PTPRD: variants seen among roughly 807,000 people sequenced by gnomAD.
The protein encoded by PTPRD is receptor-type tyrosine-protein phosphatase delta.
PTPRD carries 34 observed loss-of-function variants against 214.5 expected under a neutral mutation model. The observed-to-expected ratio is 0.16, with a 90% confidence interval of 0.12 to 0.21. The LOEUF is 0.21. PTPRD is among the 10% of genes least tolerant of loss of function. The pLI, the probability that PTPRD is intolerant of heterozygous loss-of-function variation, is 1.00. For synonymous variants in PTPRD, 1,128 were observed against 845.7 expected (o/e 1.33, Z -5.79); for missense variants, 2,545 against 2,398.7 (o/e 1.06, Z -1.27).
At chr9:9,320,544 G>C (rs529085627) in intron 9 of PTPRD, among the ~76,000 whole-genome samples, 10 of 152,100 alleles carry the variant, frequency 6.6e-5, no homozygotes, top group Non-Finnish European at 1.3e-4. Context: ...TACATCTGTA[G>C]TACACACCAG....
intron 3 of PTPRD, among the ~76,000 whole-genome samples, chr9:10,281,788 T>C (rs2095126965): frequency 6.6e-6 from 1 of 152,144 alleles, no homozygotes; most frequent in Admixed American, 6.5e-5. Context: ...GTACTGAAGG[T>C]CAGGACTACA....
chr9:9,171,431 T>C (rs1369966083), intron 10 of PTPRD, among the ~76,000 whole-genome samples: 3 of 151,270 alleles, frequency 2.0e-5, no homozygotes, highest in Admixed American at 6.6e-5. Flanking sequence ...CACAGGGAAA[T>C]AGGAAAAGGA....
chr9:8,948,510 T>TATATATTTATATATATATTTAC (rs2099083069), intron 11 of PTPRD, among the ~76,000 whole-genome samples: 2 of 16,816 alleles, frequency 1.2e-4, no homozygotes, highest in African/African-American at 2.2e-4. Flanking sequence ...TATATTTATA[T>TATATATTTATATATATATTTAC]ATATATATTT....
intron 11 of PTPRD, among the ~76,000 whole-genome samples, chr9:8,917,552 A>G (rs1343023226): frequency 6.6e-6 from 1 of 152,016 alleles, no homozygotes; most frequent in East Asian, 1.9e-4. Context: ...GTTTGTCTAC[A>G]TATCTCATCT....
At chr9:10,203,160 CCTCT>C (rs1233257142) in intron 3 of PTPRD, among the ~76,000 whole-genome samples, 3 of 149,758 alleles carry the variant, frequency 2.0e-5, no homozygotes, top group Non-Finnish European at 3.0e-5. Context: ...CTGTCTTCTC[CCTCT>C]CTCTCTTTTT....
chr9:8,383,621 T>G (rs540688259), intron 37 of PTPRD, among the ~76,000 whole-genome samples: 1 of 152,260 alleles, frequency 6.6e-6, no homozygotes, highest in African/African-American at 2.4e-5. Flanking sequence ...AACCAAGAAT[T>G]AGGATTCTTC....
intron 5 of PTPRD, among the ~76,000 whole-genome samples, chr9:9,793,349 T>A (rs1404557591): frequency 6.6e-6 from 1 of 152,116 alleles, no homozygotes; most frequent in African/African-American, 2.4e-5. Flanking sequence ...CATAATCTTT[T>A]TTCATATCCA....
intron 5 of PTPRD, among the ~76,000 whole-genome samples, chr9:9,788,809 T>G (rs1460313281): frequency 6.6e-6 from 1 of 152,142 alleles, no homozygotes; most frequent in Non-Finnish European, 1.5e-5. Context: ...CTGCATGAAG[T>G]TGACATGCAA....
At chr9:10,078,906 C>T (rs2098183236) in intron 3 of PTPRD, among the ~76,000 whole-genome samples, 1 of 152,094 alleles carries the variant, frequency 6.6e-6, no homozygotes, top group Admixed American at 6.6e-5. Flanking sequence ...GACTCCTCAC[C>T]ATCTGGTTGC....
chr9:10,208,336 AACCCCGTCTCT>A (rs1336726605), intron 3 of PTPRD, among the ~76,000 whole-genome samples: 2 of 152,294 alleles, frequency 1.3e-5, no homozygotes, highest in East Asian at 3.9e-4. Flanking sequence ...AACACGGTGA[AACCCCGTCTCT>A]ACTAAAAATA....
At chr9:10,411,314 TAA>T (rs2098434216) in intron 2 of PTPRD, among the ~76,000 whole-genome samples, 1 of 151,780 alleles carries the variant, frequency 6.6e-6, no homozygotes, top group South Asian at 2.1e-4. Context: ...CCTCTTGTAG[TAA>T]AGGAATTATA....
intron 5 of PTPRD, among the ~76,000 whole-genome samples, chr9:9,886,064 C>T (rs907229742): frequency 6.6e-6 from 1 of 151,844 alleles, no homozygotes; most frequent in Non-Finnish European, 1.5e-5. Flanking sequence ...TCCTGAACTG[C>T]TATGGATAGA....
At chr9:8,686,145 T>C (rs909849585) in intron 12 of PTPRD, among the ~76,000 whole-genome samples, 1 of 152,256 alleles carries the variant, frequency 6.6e-6, no homozygotes, top group South Asian at 2.1e-4. Flanking sequence ...GCGTACAATA[T>C]GACTCAATTT....
At chr9:9,884,194 C>T (rs2069897274) in intron 5 of PTPRD, among the ~76,000 whole-genome samples, 1 of 152,056 alleles carries the variant, frequency 6.6e-6, no homozygotes, top group Admixed American at 6.6e-5. Context: ...CAAACATTGA[C>T]TATGGACTGT....
chr9:9,715,054 G>A lies in PTPRD; in HGVS notation c.-287+19479C>T, dbSNP rs182844300. On this transcript the variant is annotated intron_variant, in intron 7 of 45. Coordinates refer to ENST00000381196, the MANE Select transcript of PTPRD (RefSeq NM_002839.4). ...TCTTACAGAATTTAGCTGTGGTTTC[G>A]TAGAGAAGAAATTAGAAGACCTGGG... Among the ~76,000 whole-genome samples the A allele has an allele frequency of 2.4e-4, 37 of 152,258 alleles. No homozygotes were observed. The East Asian group carries it at 3.1e-3, about 13-fold the overall frequency.
At chr9:8,483,121 G>T (rs960164491) in intron 30 of PTPRD, among the ~76,000 whole-genome samples, 1 of 152,044 alleles carries the variant, frequency 6.6e-6, no homozygotes, top group Non-Finnish European at 1.5e-5. Context: ...TCTTCTATTA[G>T]TTATTCAACC....
chr9:9,658,908 G>C (rs1489483890), intron 7 of PTPRD, among the ~76,000 whole-genome samples: 15 of 152,036 alleles, frequency 9.9e-5, no homozygotes, highest in East Asian at 1.9e-4. Flanking sequence ...TTAGAGCCTA[G>C]ATTTAAATCT....
chr9:10,432,147 G>A (rs2154520942), intron 2 of PTPRD, among the ~76,000 whole-genome samples: 1 of 151,890 alleles, frequency 6.6e-6, no homozygotes, highest in African/African-American at 2.4e-5. Context: ...GGACATGGAT[G>A]AAATTGGAAA....
intron 11 of PTPRD, among the ~76,000 whole-genome samples, chr9:8,959,415 G>T (rs1158883719): frequency 6.6e-6 from 1 of 151,948 alleles, no homozygotes; most frequent in East Asian, 1.9e-4. Context: ...ATACATGTAA[G>T]TCCTGGACAA....
Sources: allele counts gnomAD v4.1 joint callset (sites outside exome capture counted in the v4.1 genomes callset), GRCh38; gene constraint gnomAD v4.1.1; transcripts MANE v1.5; gene names NCBI Gene and HGNC (gene_info 2026-07-23, HGNC 2026-07-21).